Variants in LAMA2 observed in about 807,000 individuals in gnomAD.
LAMA2 encodes the protein laminin subunit alpha-2.
In LAMA2, 269 loss-of-function variants were observed where a neutral mutation model predicts 364.8. The ratio of observed to expected loss-of-function variants is 0.74; its 90% CI spans 0.67 to 0.82. The LOEUF is 0.82. Ranked by LOEUF, LAMA2 falls within the 40% of genes least tolerant of loss-of-function variation. The pLI, the probability that LAMA2 is intolerant of heterozygous loss-of-function variation, is 0.00. For missense variants in LAMA2, 3,807 were observed against 3,873.2 expected, an observed-to-expected ratio of 0.98 and a Z score of 0.45; for synonymous variants, 1,379 against 1,370.6, an observed-to-expected ratio of 1.01 and a Z score of -0.14.
In LAMA2 at chr6:129,512,469, G is replaced by A; in HGVS notation, c.8964G>A (p.Met2988Ile). 6.2e-7 allele frequency: 1 copy of A among 1,613,546 alleles called. No homozygotes were observed. Among genetic ancestry groups the A allele is most frequent in the Non-Finnish European group, 8.5e-7 (1 of 1,179,550 alleles). The change falls in exon 63 of 65, where the codon ATG (methionine) becomes ATA (isoleucine). Residue 2988 changes from methionine to isoleucine, a missense_variant. Coordinates refer to ENST00000421865, the MANE Select transcript of LAMA2 (RefSeq NM_000426.4). ...LGISSQKMDG[M>I]GIEMIDEKLM... ...TCAGTAGTCAAAAAATGGATGGAAT[G>A]GGTATTGAAATGATTGATGAAAAGG...
At chr6:129,513,094 CAG>C (rs1325105473) in intron 63 of LAMA2, among the ~76,000 whole-genome samples, 3 of 152,160 alleles carry the variant, frequency 2.0e-5, no homozygotes, top group African/African-American at 7.2e-5. Flanking sequence ...AGCAGGTAAA[CAG>C]AGAAGGGAAA....
intron 1 of LAMA2, among the ~76,000 whole-genome samples, chr6:129,031,169 T>A (rs1176548834): frequency 1.3e-5 from 2 of 152,332 alleles, no homozygotes; most frequent in South Asian, 4.1e-4. Flanking sequence ...CTATAAACAC[T>A]GTCAAATCTC....
intron 12 of LAMA2, among the ~76,000 whole-genome samples, chr6:129,221,342 G>T (rs1185600290): frequency 7.7e-6 from 1 of 129,894 alleles, no homozygotes; most frequent in Non-Finnish European, 1.6e-5. Flanking sequence ...GAAAGCTTTA[G>T]TATCAAGCAT....
At chr6:129,371,247 ATGTGTGTGTGTGTGTG>A (rs66522065) in intron 34 of LAMA2, among the ~76,000 whole-genome samples, 3 of 148,388 alleles carry the variant, frequency 2.0e-5, no homozygotes, top group Admixed American at 6.7e-5. Context: ...GAACTTTGAG[ATGTGTGTGTGTGTGTG>A]TGTGTGTGTG....
At chr6:129,074,632 T>A (rs1487799853) in intron 3 of LAMA2, among the ~76,000 whole-genome samples, 1 of 152,218 alleles carries the variant, frequency 6.6e-6, no homozygotes, top group Non-Finnish European at 1.5e-5. Flanking sequence ...GAAAAAATAT[T>A]TATTTTATTT....
intron 3 of LAMA2, among the ~76,000 whole-genome samples, chr6:129,070,196 G>A (rs141094936): frequency 2.0e-5 from 3 of 152,116 alleles, no homozygotes; most frequent in South Asian, 2.1e-4. Context: ...TCCTTATTAC[G>A]AGGCATATTA....
intron 22 of LAMA2, 91 bp from the exon 23 acceptor site, chr6:129,312,770 T>G: frequency 1.1e-6 from 1 of 886,908 alleles, no homozygotes; most frequent in Non-Finnish European, 1.9e-6. Context: ...TTAATATGTG[T>G]TTAATGGAAG....
intron 2 of LAMA2, among the ~76,000 whole-genome samples, chr6:129,057,571 T>G (rs1217293498): frequency 6.6e-6 from 1 of 152,236 alleles, no homozygotes; most frequent in Admixed American, 6.5e-5. Flanking sequence ...ATTTTTAATT[T>G]CATATTTTTT....
intron 18 of LAMA2, among the ~76,000 whole-genome samples, chr6:129,281,582 T>C (rs113714733): frequency 1.3e-5 from 2 of 152,192 alleles, no homozygotes; most frequent in African/African-American, 2.4e-5. Flanking sequence ...TATAAATAGA[T>C]GCATTTTCCC....
intron 62 of LAMA2, 136 bp downstream of exon 62, chr6:129,507,778 G>C: frequency 2.3e-6 from 2 of 873,520 alleles, no homozygotes; most frequent in Non-Finnish European, 3.7e-6. Flanking sequence ...ACTTATGGAA[G>C]TAATTTCAAA....
chr6:129,062,193 T>TTCTTATTATGTAACAACA (rs1419110326), intron 3 of LAMA2, among the ~76,000 whole-genome samples: 1 of 152,144 alleles, frequency 6.6e-6, no homozygotes, highest in Non-Finnish European at 1.5e-5. Flanking sequence ...ACAGAGAAAA[T>TTCTTATTATGTAACAACA]GTGGACATTC....
At chr6:129,487,475 A>C (rs1200215192) in intron 56 of LAMA2, among the ~76,000 whole-genome samples, 1 of 152,200 alleles carries the variant, frequency 6.6e-6, no homozygotes. Context: ...CATTTATCAG[A>C]CTGAAGACAT....
intron 2 of LAMA2, among the ~76,000 whole-genome samples, chr6:129,053,208 G>A (rs532502966): frequency 7.9e-4 from 120 of 152,256 alleles, no homozygotes; most frequent in African/African-American, 2.7e-3. Flanking sequence ...CCTCCTGAGA[G>A]GCATGCGCCA....
chr6:129,154,749 CA>C (rs1043765273), intron 8 of LAMA2, 66 bp downstream of exon 8: 30 of 1,274,248 alleles, frequency 2.4e-5, no homozygotes, highest in African/African-American at 1.9e-4. Flanking sequence ...ATGTTTTATA[CA>C]AAAAAATAAT....
chr6:129,168,473 G>T (rs1445207931), intron 9 of LAMA2, among the ~76,000 whole-genome samples: 1 of 152,150 alleles, frequency 6.6e-6, no homozygotes, highest in Non-Finnish European at 1.5e-5. Flanking sequence ...TCAGGTAGTT[G>T]TACATATGCG....
intron 12 of LAMA2, among the ~76,000 whole-genome samples, chr6:129,244,484 T>C (rs1785612088): frequency 6.6e-6 from 1 of 152,124 alleles, no homozygotes; most frequent in African/African-American, 2.4e-5. Context: ...TCCTGCTCAG[T>C]ATTATAAAGC....
At chr6:128,908,307 T>C (rs1211793790) in intron 1 of LAMA2, among the ~76,000 whole-genome samples, 4 of 152,230 alleles carry the variant, frequency 2.6e-5, no homozygotes, top group Non-Finnish European at 5.9e-5. Context: ...TTGTCACAAT[T>C]TCAGATCCTG....
At chr6:129,478,641 C>G in intron 53 of LAMA2, 52 bp from the exon 54 acceptor site, 2 of 1,600,452 alleles carry the variant, frequency 1.2e-6, no homozygotes, top group Non-Finnish European at 1.7e-6. Flanking sequence ...AGAGACTACA[C>G]TACCATCACC....
chr6:129,507,874 C>T (rs1480243241), intron 62 of LAMA2, among the ~76,000 whole-genome samples: 4 of 152,136 alleles, frequency 2.6e-5, no homozygotes, highest in African/African-American at 9.7e-5. Flanking sequence ...GAATTTATTC[C>T]ATCTCCTTCA....
Sources: gnomAD v4.1 joint callset for allele counts (sites outside exome capture counted in the v4.1 genomes callset) on GRCh38, gnomAD v4.1.1 for gene constraint, MANE v1.5 for transcripts, NCBI Gene and HGNC (gene_info 2026-07-23, HGNC 2026-07-21) for gene names.